Variants in PARD3 observed in about 807,000 individuals in gnomAD.
PARD3 encodes the protein par-3 family cell polarity regulator, also known as partitioning defective 3 homolog.
A neutral mutation model predicts 155.4 loss-of-function variants in PARD3; 75 were observed. The ratio of observed to expected loss-of-function variants is 0.48; its 90% CI spans 0.40 to 0.58. The LOEUF (loss-of-function observed/expected upper bound fraction) is 0.58. Among genes scored for constraint, PARD3 ranks in the 20% least tolerant of loss-of-function variants. The probability of loss-of-function intolerance (pLI) is 0.00; values close to 1 mark genes in which losing one functional copy is unlikely to be tolerated. For missense variants in PARD3, 1,642 were observed against 1,721.7 expected (o/e 0.95, Z 0.82); for synonymous variants, 576 against 610.5 (o/e 0.94, Z 0.83).
At chr10:34,436,437 A>AC (rs1377940125) in intron 5 of PARD3, among the ~76,000 whole-genome samples, 1 of 152,228 alleles carries the variant, frequency 6.6e-6, no homozygotes, top group Non-Finnish European at 1.5e-5. Context: ...ACTGCATACA[A>AC]CATCATGTCA....
intron 7 of PARD3, among the ~76,000 whole-genome samples, chr10:34,397,373 C>A (rs1031625545): frequency 1.3e-5 from 2 of 152,044 alleles, no homozygotes; most frequent in Non-Finnish European, 2.9e-5. Flanking sequence ...ATTGGTGATG[C>A]CTAAGAAGAG....
intron 22 of PARD3, among the ~76,000 whole-genome samples, chr10:34,212,444 T>G (rs1395736927): frequency 6.6e-6 from 1 of 152,234 alleles, no homozygotes; most frequent in African/African-American, 2.4e-5. Flanking sequence ...TGTATTCTGC[T>G]CTTTTCCCAC....
At chr10:34,442,975 GA>G (rs975938352) in intron 5 of PARD3, among the ~76,000 whole-genome samples, 3 of 149,620 alleles carry the variant, frequency 2.0e-5, no homozygotes, top group Non-Finnish European at 4.4e-5. Context: ...AGGGAAATGA[GA>G]TTTTTTTTTT....
intron 19 of PARD3, among the ~76,000 whole-genome samples, chr10:34,319,217 T>C (rs1368521015): frequency 1.3e-5 from 2 of 151,742 alleles, no homozygotes; most frequent in African/African-American, 4.8e-5. Context: ...GCCCCCCAAG[T>C]AGCTGGGACT....
rs532311676 is a variant in PARD3 at position 34,316,599 on chromosome 10, A to C, written c.3065+508T>G. Among the ~76,000 whole-genome samples the C allele has an allele frequency of 3.3e-5, 5 of 152,334 alleles. No individual in the cohort carries two copies. In the South Asian group the frequency reaches 1.0e-3, roughly 32 times the overall value. On this transcript the variant is annotated intron_variant, in intron 20 of 24. Coordinates refer to ENST00000374788, the MANE Select transcript of PARD3 (RefSeq NM_001184785.2). ...TACCACTAACTTGAGCTCTATGTTT[A>C]AATTTAAATAATGAACCATTGTTCA...
intron 10 of PARD3, among the ~76,000 whole-genome samples, chr10:34,377,321 A>G (rs972169671): frequency 6.6e-6 from 1 of 152,238 alleles, no homozygotes; most frequent in Non-Finnish European, 1.5e-5. Context: ...TAACTAAACT[A>G]AATGGGGCTG....
intron 22 of PARD3, 73 bp downstream of exon 22, chr10:34,269,584 T>C: frequency 6.6e-7 from 1 of 1,517,574 alleles, no homozygotes; most frequent in Non-Finnish European, 9.0e-7. Context: ...GATTGATGAA[T>C]GGTCTACTCC....
rs147360014 is a variant in PARD3, at chr10:34,640,328, C to T, written c.222+55990G>A. 2.5e-3 allele frequency among the ~76,000 whole-genome samples: 373 copies of T among 152,186 alleles called. 2 individuals are homozygous for T. The highest frequency in any genetic ancestry group is 1.9e-3 in the Non-Finnish European group (131 of 67,984). On this transcript the variant is annotated intron_variant, in intron 2 of 24. Coordinates refer to ENST00000374788, the MANE Select transcript of PARD3 (RefSeq NM_001184785.2). ...AAAATCATATGCACCTTTTAAAAGG[C>T]ATTTTTGGCTGGGCACCGTGGCTCA...
At chr10:34,612,990 C>T (rs903995184) in intron 2 of PARD3, among the ~76,000 whole-genome samples, 2 of 152,076 alleles carry the variant, frequency 1.3e-5, no homozygotes, top group South Asian at 2.1e-4. Flanking sequence ...CCACAGTGTA[C>T]AAAACCTAAA....
chr10:34,197,034 G>A (rs1950977859), intron 22 of PARD3, among the ~76,000 whole-genome samples: 2 of 152,066 alleles, frequency 1.3e-5, no homozygotes, highest in African/African-American at 4.8e-5. Flanking sequence ...ATTATGCTTT[G>A]CCATCCTGTG....
At chr10:34,489,222 C>T (rs1168866740) in intron 3 of PARD3, among the ~76,000 whole-genome samples, 1 of 152,134 alleles carries the variant, frequency 6.6e-6, no homozygotes, top group Non-Finnish European at 1.5e-5. Context: ...CCTGTAGTCT[C>T]AGCTACTAGG....
intron 1 of PARD3, among the ~76,000 whole-genome samples, chr10:34,784,317 G>T (rs1349613075): frequency 3.3e-5 from 5 of 152,120 alleles, no homozygotes; most frequent in African/African-American, 4.8e-5. Flanking sequence ...GCAGCCCCAT[G>T]TGAGACAGAA....
At chr10:34,686,965 C>T (rs888223167) in intron 2 of PARD3, among the ~76,000 whole-genome samples, 2 of 151,928 alleles carry the variant, frequency 1.3e-5, no homozygotes, top group Non-Finnish European at 2.9e-5. Context: ...AGAAGAATCG[C>T]TTGAACCCAA....
At chr10:34,711,980 T>C (rs1444063487) in intron 1 of PARD3, among the ~76,000 whole-genome samples, 2 of 152,106 alleles carry the variant, frequency 1.3e-5, no homozygotes, top group Admixed American at 1.3e-4. Flanking sequence ...CGAACCCAAC[T>C]TGCAATATGA....
intron 5 of PARD3, among the ~76,000 whole-genome samples, chr10:34,436,765 T>G (rs2076208949): frequency 6.6e-6 from 1 of 152,040 alleles, no homozygotes; most frequent in Non-Finnish European, 1.5e-5. Flanking sequence ...GTTTCAAAAA[T>G]GGACACCTTT....
intron 5 of PARD3, among the ~76,000 whole-genome samples, chr10:34,428,599 G>C (rs1443022572): frequency 2.0e-5 from 3 of 152,182 alleles, no homozygotes; most frequent in Non-Finnish European, 4.4e-5. Flanking sequence ...AGTTGAAAAT[G>C]ATGTAGCCCC....
At chr10:34,742,603 A>G (rs2095038990) in intron 1 of PARD3, among the ~76,000 whole-genome samples, 1 of 152,222 alleles carries the variant, frequency 6.6e-6, no homozygotes, top group Admixed American at 6.5e-5. Flanking sequence ...AAAAACAGAG[A>G]ATCTCATAGA....
intron 20 of PARD3, among the ~76,000 whole-genome samples, chr10:34,291,671 C>T (rs1393582155): frequency 6.6e-6 from 1 of 152,178 alleles, no homozygotes; most frequent in African/African-American, 2.4e-5. Context: ...CACAGCCAGA[C>T]ACCTCATAAG....
At chr10:34,274,708 C>T (rs1955792915) in intron 21 of PARD3, among the ~76,000 whole-genome samples, 1 of 151,946 alleles carries the variant, frequency 6.6e-6, no homozygotes, top group African/African-American at 2.4e-5. Flanking sequence ...GGAGAACCTC[C>T]AAAAATCAAA....
Sources: allele counts gnomAD v4.1 joint callset (sites outside exome capture counted in the v4.1 genomes callset), GRCh38; gene constraint gnomAD v4.1.1; transcripts MANE v1.5; gene names NCBI Gene and HGNC (gene_info 2026-07-23, HGNC 2026-07-21).